PPM1H: variants seen among roughly 807,000 people sequenced by gnomAD.
PPM1H encodes protein phosphatase 1H.
A neutral mutation model predicts 54.9 loss-of-function variants in PPM1H; 27 were observed. The observed-to-expected ratio is 0.49, with a 90% CI of 0.36 to 0.68. The LOEUF (loss-of-function observed/expected upper bound fraction) is 0.68. Ranked by LOEUF, PPM1H falls within the 30% of genes least tolerant of loss-of-function variation. The pLI, the probability that PPM1H is intolerant of heterozygous loss-of-function variation, is 0.00. For synonymous variants in PPM1H, 305 were observed against 270.8 expected (o/e 1.13, Z -1.24); for missense variants, 596 against 667.8 (o/e 0.89, Z 1.19).
intron 2 of PPM1H, among the ~76,000 whole-genome samples, chr12:62,827,124 C>T (rs1459880366): frequency 6.6e-6 from 1 of 152,126 alleles, no homozygotes; most frequent in Non-Finnish European, 1.5e-5. Context: ...GTGTGAGCTC[C>T]AAACCCTTAT....
At position 62,801,942 on chromosome 12, in the gene PPM1H, G is replaced by T; in HGVS notation, c.630C>A (p.Ala210=). The T allele has an allele frequency of 6.2e-7, 1 of 1,612,832 alleles. No individual in the cohort carries two copies. The highest frequency in any genetic ancestry group is 8.5e-7 in the Non-Finnish European group (1 of 1,179,236). The change falls in exon 3 of 10, where the codon GCC becomes GCA. Residue 210 remains alanine, a synonymous_variant. Coordinates refer to ENST00000228705, the MANE Select transcript of PPM1H (RefSeq NM_020700.2). ...GGGCCCCCACCCCTCCGCGCAGGGA[G>T]GCTGCCCGGGTCAGAGTCCGGCTGT... ...PANSRTLTRA[A]SLRGGVGAPG...
chr12:62,867,185 C>T (rs1439278249), intron 1 of PPM1H, among the ~76,000 whole-genome samples: 1 of 152,088 alleles, frequency 6.6e-6, no homozygotes, highest in African/African-American at 2.4e-5. Context: ...GGATTTGGAG[C>T]ATTAAATTTG....
At chr12:62,670,628 T>C (rs1468208220) in intron 8 of PPM1H, among the ~76,000 whole-genome samples, 1 of 152,208 alleles carries the variant, frequency 6.6e-6, no homozygotes, top group African/African-American at 2.4e-5. Context: ...TGTGGGTTGA[T>C]ACATACACAC....
At position 62,887,856 on chromosome 12, in the gene PPM1H, G is replaced by A. The variant is rs542869209; in HGVS notation, c.245+46636C>T. 2.6e-5 allele frequency among the ~76,000 whole-genome samples: 4 copies of A among 152,304 alleles called. No homozygotes were observed. In the South Asian group the frequency reaches 8.3e-4, roughly 32 times the overall value. On this transcript the variant is annotated intron_variant, in intron 1 of 9. Transcript: ENST00000228705. Reference sequence around the variant, plus strand: ...ATGGCAGTGTTCCAGGCTGAGGGGAGAGCAACTGCAAAGGTCTGAAGTGGA... The same window carrying A: ...ATGGCAGTGTTCCAGGCTGAGGGGAAAGCAACTGCAAAGGTCTGAAGTGGA...
intron 1 of PPM1H, among the ~76,000 whole-genome samples, chr12:62,926,462 AGAG>A (rs1320783398): frequency 1.3e-5 from 2 of 152,220 alleles, no homozygotes; most frequent in African/African-American, 4.8e-5. Flanking sequence ...TAGAAGCCAT[AGAG>A]GAGATTAGGT....
intron 6 of PPM1H, among the ~76,000 whole-genome samples, chr12:62,707,876 C>T (rs1487029742): frequency 6.6e-6 from 1 of 152,064 alleles, no homozygotes; most frequent in Non-Finnish European, 1.5e-5. Context: ...GTGCCTTGTC[C>T]TTTAGGTACA....
At chr12:62,875,983 G>A (rs1870155033) in intron 1 of PPM1H, among the ~76,000 whole-genome samples, 1 of 152,192 alleles carries the variant, frequency 6.6e-6, no homozygotes, top group Non-Finnish European at 1.5e-5. Flanking sequence ...GATGGGGGCT[G>A]GCTCAAGCCT....
intron 1 of PPM1H, among the ~76,000 whole-genome samples, chr12:62,875,716 G>A (rs1870144185): frequency 6.6e-6 from 1 of 152,146 alleles, no homozygotes; most frequent in African/African-American, 2.4e-5. Flanking sequence ...TTAATCAAAA[G>A]ATTATAAAAG....
intron 1 of PPM1H, among the ~76,000 whole-genome samples, chr12:62,895,043 G>T (rs1017861762): frequency 1.3e-5 from 2 of 152,204 alleles, no homozygotes; most frequent in African/African-American, 4.8e-5. Context: ...CTTCAGAAAG[G>T]AAGGTCAGCA....
chr12:62,666,139 G>A (rs1428218334), intron 9 of PPM1H, among the ~76,000 whole-genome samples: 7 of 151,696 alleles, frequency 4.6e-5, no homozygotes, highest in South Asian at 2.1e-4. Context: ...GTGCAGTGGC[G>A]CGATCTTGGC....
chr12:62,708,584 T>C (rs1378866800), intron 6 of PPM1H, among the ~76,000 whole-genome samples: 1 of 152,246 alleles, frequency 6.6e-6, no homozygotes, highest in East Asian at 1.9e-4. Flanking sequence ...CTGGAAAATT[T>C]CAGGAGTGGT....
intron 2 of PPM1H, among the ~76,000 whole-genome samples, chr12:62,830,954 C>T (rs866226855): frequency 5.3e-5 from 8 of 152,146 alleles, no homozygotes; most frequent in African/African-American, 1.9e-4. Context: ...CCTGGGTTCA[C>T]GCCATTCTCC....
At chr12:62,889,606 C>G (rs1263557265) in intron 1 of PPM1H, among the ~76,000 whole-genome samples, 3 of 151,988 alleles carry the variant, frequency 2.0e-5, no homozygotes, top group Non-Finnish European at 4.4e-5. Flanking sequence ...GAAGACAGAG[C>G]CCAGAAATAG....
At chr12:62,775,585 T>C (rs1474414105) in intron 4 of PPM1H, among the ~76,000 whole-genome samples, 1 of 152,126 alleles carries the variant, frequency 6.6e-6, no homozygotes, top group Non-Finnish European at 1.5e-5. Flanking sequence ...GAACGAAGGC[T>C]TTAAAAATGA....
intron 9 of PPM1H, among the ~76,000 whole-genome samples, chr12:62,665,521 C>G (rs1184159542): frequency 1.3e-5 from 2 of 152,176 alleles, no homozygotes; most frequent in African/African-American, 4.8e-5. Flanking sequence ...AATCTCATTT[C>G]ACATTGTCTT....
At chr12:62,822,475 A>G (rs1390645943) in intron 2 of PPM1H, among the ~76,000 whole-genome samples, 2 of 152,076 alleles carry the variant, frequency 1.3e-5, no homozygotes, top group African/African-American at 4.8e-5. Context: ...CATAGCACTT[A>G]TTCCAAAAGA....
chr12:62,767,282 G>T (rs1034109186), intron 4 of PPM1H, among the ~76,000 whole-genome samples: 1 of 152,096 alleles, frequency 6.6e-6, no homozygotes, highest in Non-Finnish European at 1.5e-5. Flanking sequence ...GACAAACCCT[G>T]GGGCAGCCTG....
chr12:62,742,860 G>A (rs2076389782), intron 4 of PPM1H, among the ~76,000 whole-genome samples: 2 of 152,102 alleles, frequency 1.3e-5, no homozygotes, highest in African/African-American at 4.8e-5. Context: ...CATACAGAGG[G>A]GATGGGTTTT....
chr12:62,869,674 G>C (rs1384418116), intron 1 of PPM1H, among the ~76,000 whole-genome samples: 1 of 152,088 alleles, frequency 6.6e-6, no homozygotes, highest in Non-Finnish European at 1.5e-5. Context: ...TCCTTGCAAG[G>C]ACTTCTCAAT....
Sources: allele counts gnomAD v4.1 joint callset (sites outside exome capture counted in the v4.1 genomes callset), GRCh38; gene constraint gnomAD v4.1.1; transcripts MANE v1.5; gene names NCBI Gene and HGNC (gene_info 2026-07-23, HGNC 2026-07-21).